Variants in AHNAK observed in about 807,000 individuals in gnomAD.
The protein encoded by AHNAK is AHNAK nucleoprotein.
Under a neutral mutation model 37.8 loss-of-function variants are expected in AHNAK, and 23 were observed. That is an observed-to-expected ratio of 0.61 (90% CI 0.44 to 0.86). AHNAK has a LOEUF of 0.86. Among genes scored for constraint, AHNAK ranks in the 40% least tolerant of loss-of-function variants. The pLI is 0.00. For missense variants in AHNAK, 7,411 were observed against 7,319.4 expected, an observed-to-expected ratio of 1.01 and a Z score of -0.46; for synonymous variants, 2,481 against 2,636.3, an observed-to-expected ratio of 0.94 and a Z score of 1.80.
rs550927184 is a variant in AHNAK at position 62,477,893 on chromosome 11, G to A, written c.442+13839C>T. ...GGTGGTGATGGTTGTGCAGAAACCTGGAAGATAATTGGCTTAGGGGATGGG... is the reference window on the plus strand; with the variant it reads ...GGTGGTGATGGTTGTGCAGAAACCTAGAAGATAATTGGCTTAGGGGATGGG... On this transcript the variant is annotated intron_variant, in intron 5 of 5. Transcript: ENST00000257247. 2.0e-5 allele frequency among the ~76,000 whole-genome samples: 3 copies of A among 152,238 alleles called. No individual in the cohort carries two copies. The South Asian group carries it at 6.2e-4, about 32-fold the overall frequency.
intron 5 of AHNAK, among the ~76,000 whole-genome samples, chr11:62,463,907 G>A (rs1347362613): frequency 6.6e-6 from 1 of 150,764 alleles, no homozygotes; most frequent in African/African-American, 2.4e-5. Flanking sequence ...GGAATTACAG[G>A]CGCCCGCCAC....
At chr11:62,442,048 G>A (rs1430114041) in intron 5 of AHNAK, among the ~76,000 whole-genome samples, 1 of 152,140 alleles carries the variant, frequency 6.6e-6, no homozygotes, top group Non-Finnish European at 1.5e-5. Flanking sequence ...CACACATGGA[G>A]CTGCCATCAT....
intron 5 of AHNAK, among the ~76,000 whole-genome samples, chr11:62,474,419 C>T (rs944663097): frequency 1.3e-5 from 2 of 152,110 alleles, no homozygotes; most frequent in African/African-American, 2.4e-5. Flanking sequence ...CTGCTGACCT[C>T]GTGATCTGCC....
Position 62,519,312 on chromosome 11 carries a change from A to C in AHNAK, c.15105T>G (p.Ile5035Met). 1 of 1,614,090 alleles carries C rather than the reference A, an allele frequency of 6.2e-7. No homozygotes were observed. Among genetic ancestry groups the C allele is most frequent in the Non-Finnish European group, 8.5e-7 (1 of 1,180,022 alleles). The change falls in exon 5 of 5, where the codon ATT (isoleucine) becomes ATG (methionine). Residue 5035 changes from isoleucine (I) to methionine (M), a missense_variant. Physicochemically the swap from Ile to Met is conservative, Grantham distance 10. Transcript: ENST00000378024. ...MPKIHMSGPK[I>M]KAKKQGFDLN... ...GGTCAAATCCCTGTTTTTTGGCCTT[A>C]ATCTTAGGACCACTCATATGAATTT...
At position 62,525,855 on chromosome 11, in the gene AHNAK, A is replaced by G. The variant is rs2134217892; in HGVS notation, c.8562T>C (p.Asp2854=). ...CTCCCTCTACCTTAGGGCCTGTAAC[A>G]TCCACATCTCCTTTTATTTTTGGAC... ...LTGPKIKGDV[D]VTGPKVEGDL... is the part of the protein sequence containing the mutation. Residue 2854 remains aspartate, a synonymous_variant, in exon 5 of 5, where the codon GAT becomes GAC. Transcript: ENST00000378024. 6.2e-7 allele frequency: 1 copy of G among 1,614,102 alleles called. No homozygotes were observed. Among genetic ancestry groups the G allele is most frequent in the East Asian group, 2.2e-5 (1 of 44,874 alleles).
At chr11:62,508,703 C>T (rs1056710421) in intron 4 of AHNAK, among the ~76,000 whole-genome samples, 5 of 152,238 alleles carry the variant, frequency 3.3e-5, no homozygotes, top group African/African-American at 4.8e-5. Context: ...GAAGCACCAG[C>T]GGCTGCCTGA....
chr11:62,451,016 A>C (rs2134801908), intron 5 of AHNAK, among the ~76,000 whole-genome samples: 1 of 141,862 alleles, frequency 7.0e-6, no homozygotes, highest in South Asian at 2.1e-4. Context: ...TCTTTGGTAC[A>C]TGGAGATGAT....
In AHNAK at chr11:62,528,858, G is replaced by A. The variant is rs1940613750; in HGVS notation, c.5559C>T (p.Pro1853=). The change falls in exon 5 of 5, where the codon CCC becomes CCT. Residue 1853 remains proline (P), a synonymous_variant. Coordinates refer to ENST00000378024, the MANE Select transcript of AHNAK (RefSeq NM_001620.3). ...FKMPEMHFKA[P]KISMPDVDLH... Reference sequence around the variant, plus strand: ...AGTCCACATCAGGCATGGAGATCTTGGGGGCCTTGAAGTGCATCTCAGGCA... The same window carrying A: ...AGTCCACATCAGGCATGGAGATCTTAGGGGCCTTGAAGTGCATCTCAGGCA... 6.2e-7 allele frequency: 1 copy of A among 1,613,304 alleles called. No individual in the cohort carries two copies. Among genetic ancestry groups the A allele is most frequent in the South Asian group, 1.1e-5 (1 of 90,990 alleles).
intron 4 of AHNAK, 68 bp downstream of exon 4, chr11:62,534,935 G>T: frequency 6.5e-7 from 1 of 1,540,428 alleles, no homozygotes. Flanking sequence ...GGAAGGCTCA[G>T]GAGTGGGGTC....
In AHNAK at chr11:62,531,684, G is replaced by A; in HGVS notation, c.2733C>T (p.Pro911=). ...LPKADVDISG[P]KVGVEVPDVN... ...CATCTGGAACTTCAACACCCACCTT[G>A]GGTCCTGAGATGTCCACATCAGCCT... The change falls in exon 5 of 5, where the codon CCC becomes CCT. Residue 911 remains proline (P), a synonymous_variant. Transcript: ENST00000378024. The A allele has an allele frequency of 6.2e-7, 1 of 1,613,994 alleles. No homozygotes were observed. Among genetic ancestry groups the A allele is most frequent in the Non-Finnish European group, 8.5e-7 (1 of 1,179,994 alleles).
At chr11:62,435,438 A>G (rs1938141529) in intron 5 of AHNAK, among the ~76,000 whole-genome samples, 1 of 151,732 alleles carries the variant, frequency 6.6e-6, no homozygotes, top group Non-Finnish European at 1.5e-5. Context: ...TTTGAGACGG[A>G]GTCTCGCTGT....
At chr11:62,446,932 C>A (rs1330478189) in intron 5 of AHNAK, among the ~76,000 whole-genome samples, 2 of 152,004 alleles carry the variant, frequency 1.3e-5, no homozygotes, top group South Asian at 2.1e-4. Context: ...GATGGTGCCA[C>A]CTCTCCTCTT....
intron 5 of AHNAK, among the ~76,000 whole-genome samples, chr11:62,442,300 C>T (rs747971756): frequency 3.3e-5 from 5 of 152,170 alleles, no homozygotes; most frequent in Non-Finnish European, 7.3e-5. Flanking sequence ...AATCCCAGCG[C>T]TTTGTGGGAG....
At chr11:62,501,231 T>TAAAAAAA (rs1397759869) in intron 4 of AHNAK, among the ~76,000 whole-genome samples, 1 of 151,946 alleles carries the variant, frequency 6.6e-6, no homozygotes, top group African/African-American at 2.4e-5. Context: ...TCCCTGCCTT[T>TAAAAAAA]CAAAGGGATT....
intron 5 of AHNAK, among the ~76,000 whole-genome samples, chr11:62,434,745 T>C (rs1313599634): frequency 6.6e-6 from 1 of 152,070 alleles, no homozygotes; most frequent in African/African-American, 2.4e-5. Flanking sequence ...CTGACCAACA[T>C]GGTGAAACCC....
At chr11:62,515,272 A>T (rs1023039214), downstream of AHNAK, among the ~76,000 whole-genome samples, 1 of 152,316 alleles carries the variant, frequency 6.6e-6, no homozygotes, top group South Asian at 2.1e-4. Flanking sequence ...TAATCCCAGT[A>T]CTTTGGGAGG....
rs779324769 is a variant in AHNAK at position 62,528,325 on chromosome 11, T to C, written c.6092A>G (p.Asp2031Gly). 3.1e-6 allele frequency: 5 copies of C among 1,614,050 alleles called. No individual in the cohort carries two copies. Among genetic ancestry groups the C allele is most frequent in the Non-Finnish European group, 4.2e-6 (5 of 1,180,054 alleles). ...AACATCCACATCTGGGGCATCAATG[T>C]CCATTTTGGGTCCTTTGATGTCAAC... ...PDVDIKGPKMDIDAPDVDVHG... is the reference protein window; with the variant it reads ...PDVDIKGPKMGIDAPDVDVHG... The change falls in exon 5 of 5, where the codon GAC becomes GGC. Residue 2031 changes from aspartate to glycine, a missense_variant. Coordinates refer to ENST00000378024, the MANE Select transcript of AHNAK (RefSeq NM_001620.3).
Position 62,529,214 on chromosome 11 carries a change from T to G in AHNAK, c.5203A>C (p.Asn1735His). 1 of 1,614,190 alleles carries G rather than the reference T, an allele frequency of 6.2e-7. No homozygotes were observed. Residue 1735 changes from asparagine to histidine, a missense_variant, in exon 5 of 5, where the codon AAT (asparagine) becomes CAT (histidine). Transcript: ENST00000378024. Reference protein sequence around the residue: ...FKAEGPEVDVNLPKADIDVSG... With the variant: ...FKAEGPEVDVHLPKADIDVSG... ...ACATCAATGTCAGCCTTTGGCAGAT[T>G]CACATCCACTTCAGGGCCCTCTGCT...
chr11:62,531,562 T>C lies in AHNAK; in HGVS notation c.2855A>G (p.Asp952Gly). ...TACTTTAGGACCTTTCATATGCAAG[T>C]CCACATCAGGCATGGAGATCTTGGG... Reference protein sequence around the residue: ...KAPKISMPDVDLHMKGPKVKG... With the variant: ...KAPKISMPDVGLHMKGPKVKG... The change falls in exon 5 of 5, where the codon GAC (aspartate) becomes GGC (glycine). Residue 952 changes from aspartate to glycine, a missense_variant. Coordinates refer to ENST00000378024, the MANE Select transcript of AHNAK (RefSeq NM_001620.3). 1.2e-6 allele frequency: 2 copies of C among 1,614,220 alleles called. No individual in the cohort carries two copies. Among genetic ancestry groups the C allele is most frequent in the Non-Finnish European group, 1.7e-6 (2 of 1,180,026 alleles).
Sources: gnomAD v4.1 joint callset for allele counts (sites outside exome capture counted in the v4.1 genomes callset) on GRCh38, gnomAD v4.1.1 for gene constraint, MANE v1.5 for transcripts, NCBI Gene and HGNC (gene_info 2026-07-23, HGNC 2026-07-21) for gene names.